The following AXDND1 variants were observed in gnomAD, a reference collection of about 807,000 sequenced individuals.
AXDND1 encodes the protein axonemal dynein light chain domain-containing protein 1.
In AXDND1, 110 loss-of-function variants were observed where a neutral mutation model predicts 137.5. That is an observed-to-expected ratio of 0.80 (90% CI 0.69 to 0.94). The LOEUF is 0.94. Among genes scored for constraint, AXDND1 ranks in the 40% least tolerant of loss-of-function variants. AXDND1 has a pLI of 0.00. For missense variants in AXDND1, 1,191 were observed against 1,169.8 expected, an observed-to-expected ratio of 1.02 and a Z score of -0.26; for synonymous variants, 414 against 399.7, an observed-to-expected ratio of 1.04 and a Z score of -0.43.
At position 179,492,811 on chromosome 1, in the gene AXDND1, T is replaced by C. The variant is rs1486428465; in HGVS notation, c.2292-44T>C. On this transcript the variant is annotated intron_variant, in intron 19 of 25. Coordinates refer to ENST00000367618, the MANE Select transcript of AXDND1 (RefSeq NM_144696.6). Reference sequence around the variant, plus strand: ...AGCAATAAATAGGTTATGCTGAGTGTGTATTTGCTCTTTTTCTTTTTCTTT... The same window carrying C: ...AGCAATAAATAGGTTATGCTGAGTGCGTATTTGCTCTTTTTCTTTTTCTTT... 40 of 1,312,870 alleles carry C rather than the reference T, an allele frequency of 3.0e-5. 1 individual carries two copies. In the Admixed American group the frequency reaches 8.3e-4, roughly 27 times the overall value. 81.3% of individuals were successfully genotyped at this position (1,312,870 alleles called of 1,614,324 possible). A position where few individuals can be genotyped will look rare whatever the true frequency, so the allele number is the denominator to read the frequency against.
intron 21 of AXDND1, among the ~76,000 whole-genome samples, chr1:179,516,172 G>C (rs1406786272): frequency 6.6e-6 from 1 of 151,970 alleles, no homozygotes; most frequent in Admixed American, 6.6e-5. Flanking sequence ...CTTTGTCTTT[G>C]TTGGATTGGG....
chr1:179,404,351 A>G (rs1652597395), intron 11 of AXDND1, among the ~76,000 whole-genome samples: 1 of 151,620 alleles, frequency 6.6e-6, no homozygotes, highest in Non-Finnish European at 1.5e-5. Context: ...CCTCCTGAGT[A>G]GCTGGGAGTA....
At chr1:179,452,634 G>T in intron 16 of AXDND1, 1 of 130,500 alleles carries the variant, frequency 7.7e-6, no homozygotes, top group Admixed American at 8.8e-5. Flanking sequence ...CTTGCAGTGA[G>T]CCGAGATTGC....
At chr1:179,491,885 G>A in intron 19 of AXDND1, 148 bp downstream of exon 19, 1 of 720,408 alleles carries the variant, frequency 1.4e-6, no homozygotes, top group Non-Finnish European at 2.1e-6. Context: ...AACACTGTGA[G>A]CAGTTATAAT....
intron 11 of AXDND1, among the ~76,000 whole-genome samples, chr1:179,403,226 A>G (rs762758815): frequency 1.8e-4 from 27 of 152,210 alleles, no homozygotes; most frequent in Middle Eastern, 3.2e-3. Context: ...GGAAGAGAAA[A>G]TACATTTATA....
chr1:179,484,871 G>T (rs1050756470), intron 18 of AXDND1, among the ~76,000 whole-genome samples: 4 of 152,194 alleles, frequency 2.6e-5, no homozygotes, highest in African/African-American at 9.7e-5. Flanking sequence ...GTCCTGCACT[G>T]CCATTGCCAT....
chr1:179,382,893 C>A, intron 7 of AXDND1, 137 bp downstream of exon 7: 1 of 566,656 alleles, frequency 1.8e-6, no homozygotes, highest in Non-Finnish European at 3.0e-6. Flanking sequence ...AGTTCATCAT[C>A]TAATCAGTGT....
At chr1:179,431,531 G>A (rs1657377321) in intron 14 of AXDND1, among the ~76,000 whole-genome samples, 1 of 149,314 alleles carries the variant, frequency 6.7e-6, no homozygotes, top group South Asian at 2.1e-4. Context: ...TGCTTTGTCT[G>A]TTGAGGCCTG....
chr1:179,536,981 A>G (rs573045870), intron 25 of AXDND1, among the ~76,000 whole-genome samples: 2 of 152,296 alleles, frequency 1.3e-5, no homozygotes, highest in South Asian at 4.1e-4. Context: ...GCAATTATAA[A>G]TGGGAGTTCA....
intron 23 of AXDND1, among the ~76,000 whole-genome samples, chr1:179,531,654 G>A (rs894850205): frequency 8.7e-4 from 132 of 152,258 alleles, no homozygotes; most frequent in African/African-American, 3.0e-3. Flanking sequence ...GTCCAAAGCT[G>A]ATAGGAGCAC....
At chr1:179,389,919 A>G (rs1324861302) in intron 9 of AXDND1, among the ~76,000 whole-genome samples, 1 of 152,174 alleles carries the variant, frequency 6.6e-6, no homozygotes, top group Non-Finnish European at 1.5e-5. Context: ...CAAGGGCTGG[A>G]TAATTCTTTC....
chr1:179,390,107 A>G (rs1451400932), intron 9 of AXDND1, among the ~76,000 whole-genome samples: 1 of 151,122 alleles, frequency 6.6e-6, no homozygotes, highest in Non-Finnish European at 1.5e-5. Flanking sequence ...TCTGCCTCCC[A>G]GGCTCAAGTG....
chr1:179,445,513 C>A (rs1046381695), intron 16 of AXDND1, among the ~76,000 whole-genome samples: 1 of 152,144 alleles, frequency 6.6e-6, no homozygotes, highest in Admixed American at 6.5e-5. Flanking sequence ...TAGCTCTCAC[C>A]CTCTTACCCC....
At chr1:179,459,235 T>C (rs1661857802) in intron 16 of AXDND1, among the ~76,000 whole-genome samples, 1 of 152,066 alleles carries the variant, frequency 6.6e-6, no homozygotes, top group African/African-American at 2.4e-5. Flanking sequence ...CAAACAATCC[T>C]CCTGCCTCAG....
intron 4 of AXDND1, among the ~76,000 whole-genome samples, chr1:179,375,202 G>A (rs1389923057): frequency 2.0e-5 from 3 of 151,688 alleles, no homozygotes; most frequent in Non-Finnish European, 2.9e-5. Context: ...AAGTTCAAGC[G>A]ATTCTCCTGC....
Position 179,468,485 on chromosome 1 carries a change from T to G in AXDND1, c.1841T>G (p.Phe614Cys). 1 of 1,612,960 alleles carries G rather than the reference T, an allele frequency of 6.2e-7. No homozygotes were observed. The highest frequency in any genetic ancestry group is 8.5e-7 in the Non-Finnish European group (1 of 1,179,758). Reference sequence around the variant, plus strand: ...CCAAGTTTGATTAGTTCTCTTGACTTCTGTTCTTTCAAGTTGGAAAACCTG... The same window carrying G: ...CCAAGTTTGATTAGTTCTCTTGACTGCTGTTCTTTCAAGTTGGAAAACCTG... ...ILPSLISSLD[F>C]CSFKLENLEF... Residue 614 changes from phenylalanine (F) to cysteine (C), a missense_variant, in exon 17 of 26, where the codon TTC (phenylalanine) becomes TGC (cysteine). By Grantham distance (205) the Phe-to-Cys change is radical (BLOSUM62 -2). Coordinates refer to ENST00000367618, the MANE Select transcript of AXDND1 (RefSeq NM_144696.6).
intron 12 of AXDND1, among the ~76,000 whole-genome samples, chr1:179,426,410 G>A (rs1294242631): frequency 6.6e-6 from 1 of 152,068 alleles, no homozygotes; most frequent in Non-Finnish European, 1.5e-5. Context: ...GGAACATACA[G>A]AATAATTAGA....
At chr1:179,452,781 T>C (rs555926197) in intron 16 of AXDND1, 16 of 149,432 alleles carry the variant, frequency 1.1e-4, no homozygotes, top group African/African-American at 3.9e-4. Flanking sequence ...TTTACTTAAG[T>C]AATGGGGAGC....
At position 179,486,818 on chromosome 1, in the gene AXDND1, C is replaced by A. The variant is rs1666137620; in HGVS notation, c.2091+3597C>A. On this transcript the variant is annotated intron_variant, in intron 18 of 25. Coordinates refer to ENST00000367618, the MANE Select transcript of AXDND1 (RefSeq NM_144696.6). ...TGACCAGATGTGCCTTACAGGAGGT[C>A]CTGAAGAGAGTGCTAAATATGGAAA... 1.3e-5 allele frequency among the ~76,000 whole-genome samples: 2 copies of A among 148,456 alleles called. 1 individual carries two copies. Among genetic ancestry groups the A allele is most frequent in the Non-Finnish European group, 3.0e-5 (2 of 67,390 alleles).
Sources: allele counts gnomAD v4.1 joint callset (sites outside exome capture counted in the v4.1 genomes callset), GRCh38; gene constraint gnomAD v4.1.1; transcripts MANE v1.5; gene names NCBI Gene and HGNC (gene_info 2026-07-23, HGNC 2026-07-21).